The following MACROD2 variants were observed in gnomAD, a reference collection of about 807,000 sequenced individuals.
MACROD2 encodes the protein ADP-ribose glycohydrolase MACROD2.
Under a neutral mutation model 70.4 loss-of-function variants are expected in MACROD2, and 36 were observed. The ratio of observed to expected loss-of-function variants is 0.51; its 90% CI spans 0.39 to 0.68. The LOEUF (loss-of-function observed/expected upper bound fraction) is 0.68. Among genes scored for constraint, MACROD2 ranks in the 30% least tolerant of loss-of-function variants. MACROD2 has a pLI of 0.00. For synonymous variants in MACROD2, 172 were observed against 178.8 expected (o/e 0.96, Z 0.30); for missense variants, 496 against 538.4 (o/e 0.92, Z 0.78).
At chr20:15,718,175 G>T (rs2050734124) in intron 8 of MACROD2, among the ~76,000 whole-genome samples, 1 of 151,778 alleles carries the variant, frequency 6.6e-6, no homozygotes, top group Non-Finnish European at 1.5e-5. Context: ...TTTTAGTGGA[G>T]ATGGGGTTTC....
chr20:15,704,356 T>C (rs1461546904), intron 8 of MACROD2, among the ~76,000 whole-genome samples: 4 of 152,160 alleles, frequency 2.6e-5, no homozygotes, highest in Non-Finnish European at 5.9e-5. Flanking sequence ...TAAAACATTC[T>C]GAGGAACTCA....
intron 5 of MACROD2, among the ~76,000 whole-genome samples, chr20:15,168,416 C>T (rs1390651164): frequency 6.7e-6 from 1 of 149,226 alleles, no homozygotes; most frequent in Non-Finnish European, 1.5e-5. Flanking sequence ...CAGCTAAAAG[C>T]CTCTTCCTCT....
At chr20:14,881,827 G>C (rs1409498698) in intron 5 of MACROD2, among the ~76,000 whole-genome samples, 1 of 152,090 alleles carries the variant, frequency 6.6e-6, no homozygotes, top group African/African-American at 2.4e-5. Context: ...GAAGTTCCTG[G>C]AAATTCTGAT....
intron 6 of MACROD2, among the ~76,000 whole-genome samples, chr20:15,297,502 C>T (rs2077601557): frequency 6.6e-6 from 1 of 152,164 alleles, no homozygotes; most frequent in Non-Finnish European, 1.5e-5. Context: ...AAGAATTTTG[C>T]TGCATTGACA....
intron 3 of MACROD2, among the ~76,000 whole-genome samples, chr20:14,117,786 G>C (rs761944189): frequency 6.6e-6 from 1 of 152,028 alleles, no homozygotes; most frequent in Non-Finnish European, 1.5e-5. Context: ...TTGAAATATA[G>C]TTTTTCACCA....
At chr20:14,236,680 G>A (rs971132093) in intron 3 of MACROD2, among the ~76,000 whole-genome samples, 9 of 151,856 alleles carry the variant, frequency 5.9e-5, no homozygotes, top group East Asian at 1.9e-4. Flanking sequence ...TCCAGCAACC[G>A]CCCTCTCTTT....
intron 4 of MACROD2, chr20:14,621,834 C>T (rs1983844921): frequency 6.6e-6 from 1 of 152,142 alleles, no homozygotes; most frequent in Admixed American, 6.6e-5. Flanking sequence ...CAAGTATACA[C>T]CATGTTTATA....
At chr20:14,359,218 C>A (rs796541072) in intron 3 of MACROD2, among the ~76,000 whole-genome samples, 3 of 151,228 alleles carry the variant, frequency 2.0e-5, no homozygotes, top group African/African-American at 7.3e-5. Flanking sequence ...ACAAAAAACA[C>A]CTAGATTGAG....
chr20:15,644,291 A>G (rs1029931784), intron 8 of MACROD2, among the ~76,000 whole-genome samples: 2 of 152,110 alleles, frequency 1.3e-5, no homozygotes, highest in African/African-American at 4.8e-5. Context: ...CCACTTACCC[A>G]GTAATATAGT....
intron 5 of MACROD2, among the ~76,000 whole-genome samples, chr20:15,022,206 A>T (rs2075193003): frequency 6.6e-6 from 1 of 152,160 alleles, no homozygotes; most frequent in African/African-American, 2.4e-5. Flanking sequence ...TTGTTGCTGT[A>T]TACAACATTG....
chr20:15,679,780 G>A (rs183977618), intron 8 of MACROD2, among the ~76,000 whole-genome samples: 40 of 152,230 alleles, frequency 2.6e-4, no homozygotes, highest in African/African-American at 4.8e-4. Context: ...GATGACCCTC[G>A]GAGAGCCATC....
chr20:15,979,221 G>A (rs2066358208), intron 13 of MACROD2, among the ~76,000 whole-genome samples: 1 of 152,154 alleles, frequency 6.6e-6, no homozygotes, highest in Non-Finnish European at 1.5e-5. Flanking sequence ...GGCTGGTTGT[G>A]TCTCTACTTA....
In MACROD2 at chr20:15,803,870, A is replaced by C. The variant is rs115353875; in HGVS notation, c.646-58875A>C. On this transcript the variant is annotated intron_variant, in intron 8 of 17. Transcript: ENST00000684519. ...AACAATAAAATTCTAGTAAAAAGCC[A>C]AAGATAAATTGCTCTTAAGCACCTA... Among the ~76,000 whole-genome samples the C allele has an allele frequency of 3.3e-3, 509 of 152,348 alleles. 4 individuals are homozygous for C. The highest frequency in any genetic ancestry group is 0.01 in the African/African-American group (436 of 41,590).
At chr20:15,970,770 TGA>T (rs1409794175) in intron 13 of MACROD2, among the ~76,000 whole-genome samples, 2 of 152,128 alleles carry the variant, frequency 1.3e-5, no homozygotes, top group Admixed American at 6.5e-5. Flanking sequence ...AGAAAAGATC[TGA>T]GAGAGTGATA....
chr20:16,010,841 G>A (rs979644768), intron 15 of MACROD2, among the ~76,000 whole-genome samples: 1 of 152,194 alleles, frequency 6.6e-6, no homozygotes, highest in African/African-American at 2.4e-5. Flanking sequence ...AGTAACTGGA[G>A]TACCCTCTCA....
chr20:15,332,156 T>G (rs948085992), intron 6 of MACROD2, among the ~76,000 whole-genome samples: 5 of 151,556 alleles, frequency 3.3e-5, no homozygotes, highest in Admixed American at 3.3e-4. Flanking sequence ...GACATGGGCA[T>G]ATCATTTTTG....
intron 8 of MACROD2, among the ~76,000 whole-genome samples, chr20:15,754,790 T>C (rs6043518): frequency 0.21 from 32,361 of 151,060 alleles, 4,908 homozygotes; most frequent in African/African-American, 0.43. Context: ...CAAATGTTAA[T>C]CTATGTTAGA....
chr20:15,800,991 C>T (rs1185655636), intron 8 of MACROD2, among the ~76,000 whole-genome samples: 1 of 151,020 alleles, frequency 6.6e-6, no homozygotes, highest in African/African-American at 2.5e-5. Flanking sequence ...TTGAAGGCAG[C>T]ATGCTCCTTA....
At chr20:15,490,202 C>CCCCTTCCTTCCTTCCTTCCT (rs1156459278) in intron 7 of MACROD2, among the ~76,000 whole-genome samples, 54 of 141,440 alleles carry the variant, frequency 3.8e-4, no homozygotes, top group Non-Finnish European at 5.2e-4. Flanking sequence ...TTCCTCCCTC[C>CCCCTTCCTTCCTTCCTTCCT]CCCTTCCTTC....
Sources: allele counts gnomAD v4.1 joint callset (sites outside exome capture counted in the v4.1 genomes callset), GRCh38; gene constraint gnomAD v4.1.1; transcripts MANE v1.5; gene names NCBI Gene and HGNC (gene_info 2026-07-23, HGNC 2026-07-21).